SERP2: variants seen among roughly 807,000 people sequenced by gnomAD.
SERP2 encodes the protein stress-associated endoplasmic reticulum protein 2.
In SERP2, 6 loss-of-function variants were observed where a neutral mutation model predicts 9.1. The ratio of observed to expected loss-of-function variants is 0.66; its 90% CI spans 0.36 to 1.30. The LOEUF (loss-of-function observed/expected upper bound fraction) is 1.30, where lower values mean the gene tolerates loss of function less well. Among genes scored for constraint, SERP2 ranks in the 50% most tolerant of loss-of-function variants. The pLI is 0.03. For missense variants in SERP2, 58 were observed against 81.9 expected, an observed-to-expected ratio of 0.71 and a Z score of 1.13; for synonymous variants, 37 against 27.3, an observed-to-expected ratio of 1.35 and a Z score of -1.10.
In SERP2 at chr13:44,395,313, A is replaced by T. The variant is rs370217785; in HGVS notation, c.158-1959A>T. Among the ~76,000 whole-genome samples the T allele has an allele frequency of 4.5e-4, 69 of 152,244 alleles. No individual in the cohort carries two copies. The South Asian group carries it at 0.014, about 31-fold the overall frequency. On this transcript the variant is annotated intron_variant, in intron 2 of 2. Coordinates refer to ENST00000379179, the MANE Select transcript of SERP2 (RefSeq NM_001010897.3). ...TTCTCTTCCAACTGCTCCTGTTAAG[A>T]CCCACCCAAGGCCGGGCACGGTGGC...
chr13:44,375,015 A>G (rs1170143382), intron 1 of SERP2, among the ~76,000 whole-genome samples: 1 of 152,114 alleles, frequency 6.6e-6, no homozygotes, highest in Non-Finnish European at 1.5e-5. Context: ...ATCAACAGAA[A>G]ATGCGAGGCC....
chr13:44,380,038 T>G (rs755893780), intron 2 of SERP2, among the ~76,000 whole-genome samples: 2 of 152,226 alleles, frequency 1.3e-5, no homozygotes, highest in African/African-American at 4.8e-5. Flanking sequence ...AACACCTGTG[T>G]GCCTGTGATA....
chr13:44,383,435 C>T (rs1872118139), intron 2 of SERP2, among the ~76,000 whole-genome samples: 1 of 152,130 alleles, frequency 6.6e-6, no homozygotes, highest in Admixed American at 6.5e-5. Flanking sequence ...GTATCTTTCC[C>T]TCTTGGGTAA....
chr13:44,392,951 C>T (rs1366085043), intron 2 of SERP2, among the ~76,000 whole-genome samples: 1 of 152,078 alleles, frequency 6.6e-6, no homozygotes, highest in African/African-American at 2.4e-5. Flanking sequence ...GGATTGTTTC[C>T]TCTAAAACAA....
chr13:44,383,156 G>C (rs1872099805), intron 2 of SERP2, among the ~76,000 whole-genome samples: 1 of 152,162 alleles, frequency 6.6e-6, no homozygotes, highest in Admixed American at 6.5e-5. Flanking sequence ...AGGCATCCCT[G>C]AGCCCCGTGA....
chr13:44,378,132 T>A (rs566859064), intron 1 of SERP2, among the ~76,000 whole-genome samples: 38 of 152,290 alleles, frequency 2.5e-4, no homozygotes, highest in African/African-American at 7.9e-4. Context: ...TAAAATAAAT[T>A]CCTTTTTTAG....
intron 2 of SERP2, among the ~76,000 whole-genome samples, chr13:44,380,478 T>A (rs1009682936): frequency 6.6e-6 from 1 of 152,140 alleles, no homozygotes; most frequent in African/African-American, 2.4e-5. Flanking sequence ...CAAGACAGCC[T>A]CTGCCCCAAT....
At position 44,374,387 on chromosome 13, in the gene SERP2, C is replaced by A. The variant is rs144230408; in HGVS notation, c.84+278C>A. Among the ~76,000 whole-genome samples the A allele has an allele frequency of 6.1e-3, 935 of 152,298 alleles. 14 individuals carry two copies. The highest frequency in any genetic ancestry group is 0.021 in the African/African-American group (855 of 41,568). On this transcript the variant is annotated intron_variant, in intron 1 of 2. Coordinates refer to ENST00000379179, the MANE Select transcript of SERP2 (RefSeq NM_001010897.3). ...GGAGGCGCAGAGGAGCCCTCCTCCC[C>A]GACCCGCACCCCCTGTCCCCCTGCC...
chr13:44,387,133 T>C (rs928384516), intron 2 of SERP2, among the ~76,000 whole-genome samples: 3 of 152,188 alleles, frequency 2.0e-5, no homozygotes, highest in Admixed American at 1.3e-4. Flanking sequence ...TCTGAGACCG[T>C]TCCCCACAAA....
At chr13:44,376,773 T>TAA (rs904515765) in intron 1 of SERP2, among the ~76,000 whole-genome samples, 8 of 142,942 alleles carry the variant, frequency 5.6e-5, no homozygotes, top group Non-Finnish European at 1.1e-4. Flanking sequence ...AGACTCCGTC[T>TAA]AAAAAAAAAA....
At chr13:44,382,827 G>A (rs1341977909) in intron 2 of SERP2, among the ~76,000 whole-genome samples, 1 of 152,178 alleles carries the variant, frequency 6.6e-6, no homozygotes, top group African/African-American at 2.4e-5. Flanking sequence ...AATCCTGTTT[G>A]GGTACTTGCA....
At chr13:44,392,644 T>C (rs1207157378) in intron 2 of SERP2, among the ~76,000 whole-genome samples, 1 of 152,080 alleles carries the variant, frequency 6.6e-6, no homozygotes, top group Non-Finnish European at 1.5e-5. Flanking sequence ...GTTTTGAGTC[T>C]ACATCCAAGA....
chr13:44,388,110 A>T (rs1383375283), intron 2 of SERP2, among the ~76,000 whole-genome samples: 2 of 148,232 alleles, frequency 1.3e-5, no homozygotes, highest in East Asian at 2.0e-4. Flanking sequence ...AAATGTGTTT[A>T]AAAAAAATCT....
intron 2 of SERP2, among the ~76,000 whole-genome samples, chr13:44,381,527 G>C (rs964610305): frequency 6.6e-6 from 1 of 152,204 alleles, no homozygotes; most frequent in African/African-American, 2.4e-5. Flanking sequence ...GGGCAACTGA[G>C]CGAGACTGCG....
Position 44,381,075 on chromosome 13 carries a change from A to G in SERP2, c.157+1362A>G, listed in dbSNP as rs111375486. Among the ~76,000 whole-genome samples the G allele has an allele frequency of 8.1e-4, 124 of 152,172 alleles. 1 individual carries two copies. The highest frequency in any genetic ancestry group is 3.1e-3 in the South Asian group (15 of 4,820). On this transcript the variant is annotated intron_variant, in intron 2 of 2. Transcript: ENST00000379179. ...TAGACTCCTCTTCTGGATCTGCTCA[A>G]TGACTTTCTTAAAGGGTAGCATTTG...
intron 2 of SERP2, chr13:44,390,344 G>A (rs1461266276): frequency 2.4e-5 from 10 of 412,196 alleles, no homozygotes; most frequent in South Asian, 4.8e-5. Flanking sequence ...ACTTGAATTC[G>A]CCATATTTGC....
rs1555260071 is a variant in SERP2, at chr13:44,392,196, C to CAAAAAGAAAAA, written c.158-5071_158-5070insGAAAAAAAAAA. On this transcript the variant is annotated intron_variant, in intron 2 of 2. Coordinates refer to ENST00000379179, the MANE Select transcript of SERP2 (RefSeq NM_001010897.3). ...CTGGTGACAGAGTGAGACTCTGTCT[C>CAAAAAGAAAAA]AAAAAAAAAAAAAAAAAGCCCTGTG... Among the ~76,000 whole-genome samples, 14 of 35,980 alleles carry CAAAAAGAAAAA rather than the reference C, an allele frequency of 3.9e-4. 1 individual carries two copies. The highest frequency in any genetic ancestry group is 1.8e-3 in the African/African-American group (14 of 7,870). The allele number at this position is 35,980 out of a possible 152,430, so 23.6% of individuals were successfully genotyped here. A position where few individuals can be genotyped will look rare whatever the true frequency, so the allele number is the denominator to read the frequency against.
At chr13:44,378,347 C>A (rs1358435731) in intron 1 of SERP2, among the ~76,000 whole-genome samples, 1 of 152,160 alleles carries the variant, frequency 6.6e-6, no homozygotes, top group Non-Finnish European at 1.5e-5. Context: ...AACTTACATC[C>A]TTGATGATAG....
upstream of SERP2, chr13:44,373,677 GGGCCCC>G (rs1871439574): frequency 3.7e-6 from 1 of 268,106 alleles, no homozygotes; most frequent in Non-Finnish European, 7.0e-6. This position sits in a 1 kb window ranked among gnomAD's most constrained non-coding sequence, Gnocchi z 4.8. Context: ...CGACACTGCA[GGGCCCC>G]GGCTCTGCGC....
Sources: gnomAD v4.1 joint callset for allele counts (sites outside exome capture counted in the v4.1 genomes callset) on GRCh38, gnomAD v4.1.1 for gene constraint, Gnocchi (gnomAD v3.1) non-coding constraint, MANE v1.5 for transcripts, NCBI Gene and HGNC (gene_info 2026-07-23, HGNC 2026-07-21) for gene names.